NEBL: variants seen among roughly 807,000 people sequenced by gnomAD.
NEBL encodes the protein LIM and SH3 protein 2.
NEBL carries 122 observed loss-of-function variants against 140.2 expected under a neutral mutation model. The observed-to-expected ratio is 0.87, with a 90% CI of 0.75 to 1.01. The LOEUF (loss-of-function observed/expected upper bound fraction) is 1.01. Ranked by LOEUF, NEBL falls within the 50% of genes least tolerant of loss-of-function variation. The probability of loss-of-function intolerance (pLI) is 0.00; values close to 1 mark genes in which losing one functional copy is unlikely to be tolerated. For synonymous variants in NEBL, 436 were observed against 398.9 expected, an observed-to-expected ratio of 1.09 and a Z score of -1.11; for missense variants, 1,365 against 1,231.3, an observed-to-expected ratio of 1.11 and a Z score of -1.62.
chr10:20,888,325 A>C lies in NEBL; in HGVS notation c.259-118T>G, dbSNP rs185648568. 1.3e-5 allele frequency: 9 copies of C among 695,126 alleles called. No homozygotes were observed. The East Asian group carries it at 2.5e-4, about 19-fold the overall frequency. 43.1% of individuals were successfully genotyped at this position (695,126 alleles called of 1,614,324 possible). On this transcript the variant is annotated intron_variant, in intron 3 of 27. Coordinates refer to ENST00000377122, the MANE Select transcript of NEBL (RefSeq NM_006393.3). ...AAACAGAATTGATTTTAAAATCTGC[A>C]GACCATTTTAATTTTAGATACCAGA...
intron 2 of NEBL, chr10:21,069,984 G>A (rs1202597879): frequency 2.2e-6 from 1 of 456,116 alleles, no homozygotes; most frequent in Admixed American, 2.3e-5. Flanking sequence ...CCTGGAGCCA[G>A]AATGCAGCCA....
intron 3 of NEBL, among the ~76,000 whole-genome samples, chr10:21,182,174 T>C (rs1057477535): frequency 3.3e-5 from 5 of 152,030 alleles, no homozygotes; most frequent in African/African-American, 1.2e-4. Context: ...TTTTTCCTTT[T>C]AAAAATTCAT....
intron 3 of NEBL, among the ~76,000 whole-genome samples, chr10:21,008,412 G>GT (rs1838216031): frequency 6.6e-6 from 1 of 152,022 alleles, no homozygotes; most frequent in Non-Finnish European, 1.5e-5. Context: ...TATTGTTGTG[G>GT]TTTTTTATTT....
rs1190290885 is a variant in NEBL, at chr10:20,815,617, C to A, written c.2241+8G>T. The stretch of plus-strand genomic sequence containing the variant: ...TTGTGATAGTCTAAAATGAAGAAAA[C>A]CACTTGCCGAGCTAATATTTTCTTG... On this transcript the variant is annotated splice_region_variant and intron_variant, in intron 22 of 27. Coordinates refer to ENST00000377122, the MANE Select transcript of NEBL (RefSeq NM_006393.3). 6.3e-7 allele frequency: 1 copy of A among 1,589,834 alleles called. No homozygotes were observed. Among genetic ancestry groups the A allele is most frequent in the Admixed American group, 1.7e-5 (1 of 59,982 alleles).
chr10:21,284,324 T>G (rs1435153048), intron 1 of NEBL, among the ~76,000 whole-genome samples: 1 of 151,942 alleles, frequency 6.6e-6, no homozygotes, highest in Non-Finnish European at 1.5e-5. Flanking sequence ...GCACTGAGCT[T>G]TTGTTCTTTC....
intron 10 of NEBL, among the ~76,000 whole-genome samples, chr10:20,851,489 G>A (rs1378483530): frequency 6.6e-6 from 1 of 151,856 alleles, no homozygotes; most frequent in Non-Finnish European, 1.5e-5. Context: ...AGAACTTTGT[G>A]AAATGGCCGG....
At chr10:21,125,992 T>A (rs920971342) in intron 2 of NEBL, 13 of 1,614,098 alleles carry the variant, frequency 8.1e-6, no homozygotes, top group African/African-American at 1.3e-5. Context: ...GATGGGCGGC[T>A]TGTAGAGACT....
intron 3 of NEBL, among the ~76,000 whole-genome samples, chr10:20,968,159 T>C (rs1836409653): frequency 6.6e-6 from 1 of 151,810 alleles, no homozygotes; most frequent in Admixed American, 6.6e-5. Context: ...AGCAAGAAGG[T>C]AGGAAAAATT....
At chr10:21,250,730 G>A (rs896369159) in intron 2 of NEBL, among the ~76,000 whole-genome samples, 24 of 151,842 alleles carry the variant, frequency 1.6e-4, no homozygotes, top group African/African-American at 5.6e-4. Context: ...GGCCAACATG[G>A]TGAAACCCCG....
chr10:21,157,083 T>A (rs1840362782), intron 2 of NEBL, among the ~76,000 whole-genome samples: 2 of 152,152 alleles, frequency 1.3e-5, no homozygotes, highest in African/African-American at 4.8e-5. Context: ...AAAGTAAAGG[T>A]CCTGGGTGAA....
intron 26 of NEBL, among the ~76,000 whole-genome samples, chr10:20,799,529 T>A (rs1196701666): frequency 6.6e-6 from 1 of 152,252 alleles, no homozygotes; most frequent in Non-Finnish European, 1.5e-5. Flanking sequence ...TGGACAAATG[T>A]AAACACAACA....
rs549088255 is a variant in NEBL, at chr10:20,965,245, G to A, written c.250-3466C>T. Among the ~76,000 whole-genome samples, 271 of 152,316 alleles carry A rather than the reference G, an allele frequency of 1.8e-3. 2 individuals carry two copies. Among genetic ancestry groups the A allele is most frequent in the African/African-American group, 6.2e-3 (258 of 41,570 alleles). On this transcript the variant is annotated intron_variant, in intron 3 of 6. Coordinates refer to the NEBL transcript ENST00000417816. ...TTATGTTAATTACAATGCAAGAGAT[G>A]AAAAACACACAAGATCTATGTAGGT...
chr10:20,796,852 T>C (rs1836595739), intron 26 of NEBL, among the ~76,000 whole-genome samples: 1 of 152,206 alleles, frequency 6.6e-6, no homozygotes, highest in Non-Finnish European at 1.5e-5. Context: ...TTATAGAGTC[T>C]TTAATAATTA....
intron 4 of NEBL, among the ~76,000 whole-genome samples, chr10:20,933,333 G>A (rs548144617): frequency 4.0e-4 from 61 of 152,230 alleles, no homozygotes; most frequent in African/African-American, 1.4e-3. Flanking sequence ...CAACAAATAT[G>A]ACTCCAAAGT....
At position 21,272,682 on chromosome 10, in the gene NEBL, G is replaced by A. The variant is rs78475299; in HGVS notation, n.182+20148C>T. Among the ~76,000 whole-genome samples, 897 of 152,202 alleles carry A rather than the reference G, an allele frequency of 5.9e-3. 5 individuals are homozygous for A. The highest frequency in any genetic ancestry group is 0.02 in the African/African-American group (834 of 41,534). The stretch of plus-strand genomic sequence containing the variant: ...GGCATTTGAGCAATATCTACAAGTT[G>A]CTTTTTGCATCTGTAAATTGAGTAT... On this transcript the variant is annotated intron_variant and non_coding_transcript_variant, in intron 1 of 8. Coordinates refer to the NEBL transcript ENST00000675702.
At chr10:20,937,716 C>A (rs1325297078) in intron 4 of NEBL, among the ~76,000 whole-genome samples, 3 of 152,110 alleles carry the variant, frequency 2.0e-5, no homozygotes, top group Non-Finnish European at 4.4e-5. Flanking sequence ...CAGATGGCAC[C>A]TGGAAAATCG....
intron 3 of NEBL, among the ~76,000 whole-genome samples, chr10:21,196,223 C>T (rs1200580501): frequency 2.6e-5 from 4 of 151,964 alleles, no homozygotes; most frequent in Non-Finnish European, 5.9e-5. Flanking sequence ...AGGCTGGTCT[C>T]GAACTCCTGA....
rs557380827 is a variant in NEBL, at chr10:21,101,039, C to A, written c.164+71344G>T. On this transcript the variant is annotated intron_variant, in intron 2 of 6. Transcript: ENST00000417816. ...TCACCAGAATGTAACTTTAGAGACA[C>A]AGGGGAGGTTATTTCCTTCATTCAC... Among the ~76,000 whole-genome samples, 317 of 152,164 alleles carry A rather than the reference C, an allele frequency of 2.1e-3. 2 individuals are homozygous for A. Among genetic ancestry groups the A allele is most frequent in the African/African-American group, 7.4e-3 (306 of 41,510 alleles).
chr10:21,261,960 A>T (rs1336643863), intron 1 of NEBL, among the ~76,000 whole-genome samples: 7 of 152,200 alleles, frequency 4.6e-5, no homozygotes, highest in Non-Finnish European at 2.9e-5. Flanking sequence ...CACACTGTTC[A>T]GTCCAAGATA....
Sources: allele counts gnomAD v4.1 joint callset (sites outside exome capture counted in the v4.1 genomes callset), GRCh38; gene constraint gnomAD v4.1.1; transcripts MANE v1.5; gene names NCBI Gene and HGNC (gene_info 2026-07-23, HGNC 2026-07-21).